The following TRIO variants were observed in gnomAD, a reference collection of about 807,000 sequenced individuals.
TRIO encodes the protein trio Rho guanine nucleotide exchange factor.
Under a neutral mutation model 351.9 loss-of-function variants are expected in TRIO, and 58 were observed. The ratio of observed to expected loss-of-function variants is 0.16; its 90% CI spans 0.13 to 0.21. TRIO has a LOEUF of 0.21. TRIO is among the 10% of genes least tolerant of loss of function. TRIO has a pLI of 1.00. For synonymous variants in TRIO, 1,758 were observed against 1,595.7 expected, an observed-to-expected ratio of 1.10 and a Z score of -2.42; for missense variants, 3,201 against 4,027.8, an observed-to-expected ratio of 0.79 and a Z score of 5.56.
intron 1 of TRIO, among the ~76,000 whole-genome samples, chr5:14,199,512 G>A (rs1404259578): frequency 6.6e-6 from 1 of 152,196 alleles, no homozygotes; most frequent in Non-Finnish European, 1.5e-5. Context: ...AGTAAAACAA[G>A]TTCCAGCTTT....
At chr5:14,413,342 C>T (rs922229931) in intron 33 of TRIO, among the ~76,000 whole-genome samples, 1 of 152,200 alleles carries the variant, frequency 6.6e-6, no homozygotes, top group East Asian at 1.9e-4. Flanking sequence ...CCAGCTGTTC[C>T]GTCTTTCATC....
At chr5:14,471,110 A>AGTTTT (rs201601054) in intron 37 of TRIO, among the ~76,000 whole-genome samples, 1 of 8,890 alleles carries the variant, frequency 1.1e-4, no homozygotes, top group Non-Finnish European at 2.9e-4. Context: ...TTTCATTCCA[A>AGTTTT]CTTTTTTCTC....
intron 40 of TRIO, among the ~76,000 whole-genome samples, chr5:14,474,587 G>C (rs181839004): frequency 6.6e-6 from 1 of 152,294 alleles, no homozygotes; most frequent in East Asian, 1.9e-4. Context: ...TTTCTAACTA[G>C]AATTGCAGCC....
At chr5:14,430,046 G>A (rs1238343872) in intron 34 of TRIO, among the ~76,000 whole-genome samples, 1 of 152,116 alleles carries the variant, frequency 6.6e-6, no homozygotes, top group African/African-American at 2.4e-5. Context: ...AGCGCTGCGG[G>A]AGATACCCTC....
At chr5:14,144,784 G>A (rs1025508974) in intron 1 of TRIO, among the ~76,000 whole-genome samples, 25 of 151,898 alleles carry the variant, frequency 1.6e-4, no homozygotes, top group Non-Finnish European at 2.8e-4. Context: ...CCCAGCGGCG[G>A]CGCCTCCTCC....
intron 34 of TRIO, among the ~76,000 whole-genome samples, chr5:14,457,784 C>T (rs1285037155): frequency 6.6e-6 from 1 of 152,028 alleles, no homozygotes; most frequent in Admixed American, 6.6e-5. Flanking sequence ...TGCCCTTTTC[C>T]GAGAGCACGC....
chr5:14,494,336 G>A (rs1756717592), intron 49 of TRIO, among the ~76,000 whole-genome samples: 1 of 152,126 alleles, frequency 6.6e-6, no homozygotes, highest in Admixed American at 6.5e-5. Flanking sequence ...TCTAGAAATG[G>A]AACAACAAAG....
intron 1 of TRIO, among the ~76,000 whole-genome samples, chr5:14,268,104 A>G (rs988616912): frequency 1.3e-5 from 2 of 152,208 alleles, no homozygotes; most frequent in East Asian, 1.9e-4. Flanking sequence ...ATTTGGGGGG[A>G]AACTGAGGGA....
chr5:14,201,809 C>A (rs1791127339), intron 1 of TRIO, among the ~76,000 whole-genome samples: 2 of 151,972 alleles, frequency 1.3e-5, no homozygotes, highest in South Asian at 4.2e-4. Flanking sequence ...AAAATCTGGG[C>A]CCCAAGAAAT....
intron 1 of TRIO, among the ~76,000 whole-genome samples, chr5:14,208,174 T>A (rs78628670): frequency 0.022 from 2,686 of 120,306 alleles, 80 homozygotes; most frequent in African/African-American, 0.068. Context: ...TCTAAATAAA[T>A]GAAAACATGT....
At chr5:14,281,993 A>G (rs1174602656) in intron 3 of TRIO, among the ~76,000 whole-genome samples, 2 of 152,210 alleles carry the variant, frequency 1.3e-5, no homozygotes, top group Non-Finnish European at 2.9e-5. Context: ...CCTCCCTAAC[A>G]GGGCTGGCTG....
intron 37 of TRIO, chr5:14,466,137 C>T (rs192152480): frequency 1.6e-3 from 261 of 161,042 alleles, no homozygotes; most frequent in Middle Eastern, 6.5e-3. Flanking sequence ...TGGTCCCAGG[C>T]CCCCAGGTAA....
intron 56 of TRIO, 64 bp downstream of exon 56, chr5:14,507,324 A>G (rs1000644551): frequency 1.9e-5 from 30 of 1,590,642 alleles, no homozygotes; most frequent in Non-Finnish European, 2.6e-5. Flanking sequence ...TGCGGGACAC[A>G]GAGCCCCCTC....
chr5:14,401,352 A>G (rs1447024362), intron 31 of TRIO, among the ~76,000 whole-genome samples: 2 of 152,168 alleles, frequency 1.3e-5, no homozygotes. Flanking sequence ...CATTGACTCT[A>G]TAAGAGATGC....
intron 34 of TRIO, among the ~76,000 whole-genome samples, chr5:14,447,985 T>A (rs1752560788): frequency 6.6e-6 from 1 of 152,246 alleles, no homozygotes; most frequent in African/African-American, 2.4e-5. Flanking sequence ...TAATAAGTAC[T>A]TTATTGCCTT....
rs376909772 is a variant in TRIO at position 14,148,368 on chromosome 5, G to T, written c.157+4486G>T. On this transcript the variant is annotated intron_variant, in intron 1 of 56. Coordinates refer to ENST00000344204, the MANE Select transcript of TRIO (RefSeq NM_007118.4). ...TTTGAAGCTGTCATAATCTAAGTCAGCTGTATTCAATATTTACTTTGTTTA... is the reference window on the plus strand; with the variant it reads ...TTTGAAGCTGTCATAATCTAAGTCATCTGTATTCAATATTTACTTTGTTTA... Among the ~76,000 whole-genome samples the T allele has an allele frequency of 8.5e-5, 13 of 152,164 alleles. No homozygotes were observed. The East Asian group carries it at 1.2e-3, about 14-fold the overall frequency.
At chr5:14,168,132 A>C (rs1208472518) in intron 1 of TRIO, among the ~76,000 whole-genome samples, 2 of 152,224 alleles carry the variant, frequency 1.3e-5, no homozygotes, top group Non-Finnish European at 2.9e-5. Context: ...AGAAGCCAGA[A>C]TAGCTGTGAA....
At chr5:14,284,803 C>T (rs1407307558) in intron 3 of TRIO, among the ~76,000 whole-genome samples, 1 of 152,272 alleles carries the variant, frequency 6.6e-6, no homozygotes, top group Non-Finnish European at 1.5e-5. Context: ...ATATTGCCAC[C>T]GTTTTACAAT....
rs1158101856 is a variant in TRIO, at chr5:14,180,860, G to T, written c.157+36978G>T. On this transcript the variant is annotated intron_variant, in intron 1 of 56. Coordinates refer to ENST00000344204, the MANE Select transcript of TRIO (RefSeq NM_007118.4). ...CCAGTGCCCCCACAAAAAAAAAAAAGAAATATAGGTAGGTAGGCAGTTTTA... is the reference window on the plus strand; with the variant it reads ...CCAGTGCCCCCACAAAAAAAAAAAATAAATATAGGTAGGTAGGCAGTTTTA... 2.7e-5 allele frequency among the ~76,000 whole-genome samples: 4 copies of T among 149,444 alleles called. No homozygotes were observed. The East Asian group carries it at 5.9e-4, about 22-fold the overall frequency.
Sources: allele counts gnomAD v4.1 joint callset (sites outside exome capture counted in the v4.1 genomes callset), GRCh38; gene constraint gnomAD v4.1.1; transcripts MANE v1.5; gene names NCBI Gene and HGNC (gene_info 2026-07-23, HGNC 2026-07-21).